Variants in NUTM2G observed in about 807,000 individuals in gnomAD.
NUTM2G encodes family with sequence similarity 22, member G.
Under a neutral mutation model 44.3 loss-of-function variants are expected in NUTM2G, and 29 were observed. The ratio of observed to expected loss-of-function variants is 0.66; its 90% CI spans 0.49 to 0.89. The LOEUF (loss-of-function observed/expected upper bound fraction) is 0.89. Ranked by LOEUF, NUTM2G falls within the 40% of genes least tolerant of loss-of-function variation. NUTM2G has a pLI of 0.00. For missense variants in NUTM2G, 502 were observed against 946.5 expected (o/e 0.53, Z 6.16); for synonymous variants, 205 against 395.9 (o/e 0.52, Z 5.72).
At chr9:96,940,929 A>G (rs1227776456), downstream of NUTM2G, among the ~76,000 whole-genome samples, 1 of 152,098 alleles carries the variant, frequency 6.6e-6, no homozygotes, top group Non-Finnish European at 1.5e-5. Context: ...GGGCTTCCCC[A>G]GCTGAGGGCA....
At position 96,937,906 on chromosome 9, in the gene NUTM2G, C is replaced by T. The variant is rs757924626; in HGVS notation, c.1345C>T (p.Arg449Ter). The T allele has an allele frequency of 3.5e-5, 56 of 1,611,484 alleles. No individual in the cohort carries two copies. The highest frequency in any genetic ancestry group is 4.1e-5 in the Non-Finnish European group (48 of 1,179,722). The change falls in exon 6 of 7, where the codon CGA (arginine) becomes TGA (stop). Residue 449 changes from arginine to a stop codon, truncating the protein, a stop_gained. Coordinates refer to ENST00000372322, the MANE Select transcript of NUTM2G (RefSeq NM_001170741.3). LOFTEE classifies it high-confidence loss of function. ...CCAGGTGGAGGCCGTCATTCACCCC[C>T]GATTCCTGGAAGAATTGCTTTCCCC... ...VTKVEAVIHP[R>*]FLEELLSPDP... is the part of the protein sequence containing the mutation.
At chr9:96,941,100 T>C (rs143163033), downstream of NUTM2G, among the ~76,000 whole-genome samples, 202 of 149,554 alleles carry the variant, frequency 1.4e-3, 1 homozygote, top group Middle Eastern at 3.4e-3. Context: ...TTGAAGGGAA[T>C]GTGGTCCGTA....
In NUTM2G at chr9:96,936,410, C is replaced by T. The variant is rs759045164; in HGVS notation, c.843-15C>T. 1.1e-5 allele frequency: 17 copies of T among 1,571,544 alleles called. No individual in the cohort carries two copies. Among genetic ancestry groups the T allele is most frequent in the Admixed American group, 3.6e-5 (2 of 56,078 alleles). On this transcript the variant is annotated splice_polypyrimidine_tract_variant and intron_variant, in intron 3 of 6. Transcript: ENST00000372322. ...TGGACCCTCTCAGCACAGCCTGGGC[C>T]TCCTTCACCCCCAGGTTCCTGGAGT... is the stretch of plus-strand genomic sequence containing the variant.
Position 96,935,376 on chromosome 9 carries a change from G to A in NUTM2G, c.762G>A (p.Glu254=), listed in dbSNP as rs778537689. 2.5e-6 allele frequency: 4 copies of A among 1,612,078 alleles called. No homozygotes were observed. In the South Asian group the frequency reaches 3.3e-5, roughly 13 times the overall value. ...LARRKPTMTL[E]EGLWRAMREW... Reference sequence around the variant, plus strand: ...GGCGGAAGCCCACCATGACGCTGGAGGAGGGACTGTGGCGGGCCATGCGGG... The same window carrying A: ...GGCGGAAGCCCACCATGACGCTGGAAGAGGGACTGTGGCGGGCCATGCGGG... The change falls in exon 3 of 7, where the codon GAG becomes GAA. Residue 254 remains glutamate (E), a synonymous_variant. Coordinates refer to ENST00000372322, the MANE Select transcript of NUTM2G (RefSeq NM_001170741.3).
intron 3 of NUTM2G, among the ~76,000 whole-genome samples, chr9:96,935,834 T>C (rs1039625032): frequency 3.3e-5 from 5 of 152,004 alleles, no homozygotes; most frequent in African/African-American, 9.7e-5. Context: ...GGAAGTCGGT[T>C]TTCTCCCATC....
chr9:96,932,981 T>TTC (rs552920928), intron 2 of NUTM2G, among the ~76,000 whole-genome samples: 2 of 146,608 alleles, frequency 1.4e-5, no homozygotes, highest in African/African-American at 2.5e-5. Flanking sequence ...TTCTTTTCTT[T>TTC]TTTTTTTTTT....
rs201118948 is a variant in NUTM2G at position 96,937,984 on chromosome 9, G to C, written c.1423G>C (p.Gly475Arg). ...AAGCCAGGAGCTGGAGCAGGAGGAA[G>C]GACTCACCCTTGCCCAGGTAGAGCA... ...ALSQELEQEEGLTLAQLVEKR... is the reference protein window; with the variant it reads ...ALSQELEQEERLTLAQLVEKR... The change falls in exon 6 of 7, where the codon GGA becomes CGA. Residue 475 changes from glycine (G) to arginine (R), a missense_variant. By Grantham distance (125) the Gly-to-Arg change is moderately radical (BLOSUM62 -2). Transcript: ENST00000372322. 1.1e-5 allele frequency: 17 copies of C among 1,612,186 alleles called. No individual in the cohort carries two copies. The highest frequency in any genetic ancestry group is 2.5e-6 in the Non-Finnish European group (3 of 1,179,858).
intron 3 of NUTM2G, among the ~76,000 whole-genome samples, 162 bp downstream of exon 3, chr9:96,935,618 C>G (rs1344955763): frequency 6.6e-6 from 1 of 152,188 alleles, no homozygotes; most frequent in African/African-American, 2.4e-5. Flanking sequence ...CTCCTGCCAC[C>G]TAGAGTGCTC....
chr9:96,937,457 C>T (rs1826472914), intron 5 of NUTM2G, 53 bp downstream of exon 5: 1 of 1,539,222 alleles, frequency 6.5e-7, no homozygotes, highest in African/African-American at 1.4e-5. Context: ...GTGGCACTTC[C>T]AGGTCCTTGG....
intron 5 of NUTM2G, among the ~76,000 whole-genome samples, 193 bp downstream of exon 5, chr9:96,937,597 G>C (rs930740115): frequency 1.3e-5 from 2 of 152,136 alleles, no homozygotes; most frequent in African/African-American, 4.8e-5. Flanking sequence ...GTGTCTTTGT[G>C]TGTCTGTGTG....
rs752245352 is a variant in NUTM2G at position 96,936,512 on chromosome 9, G to T, written c.930G>T (p.Pro310=). 5.8e-6 allele frequency: 9 copies of T among 1,550,660 alleles called. 1 individual carries two copies. In the South Asian group the frequency reaches 1.1e-4, roughly 18 times the overall value. Residue 310 remains proline, a synonymous_variant, in exon 4 of 7, where the codon CCG becomes CCT. Transcript: ENST00000372322. ...CCCAGAGCCTGCCTCCTCCAGCCCC[G>T]CCGAGGCTTGAACCTCGAGGACCCC... is the stretch of plus-strand genomic sequence containing the variant. ...KGPQSLPPPA[P]PRLEPRGPPA...
intron 4 of NUTM2G, among the ~76,000 whole-genome samples, chr9:96,936,773 A>G (rs908723612): frequency 1.3e-5 from 2 of 152,198 alleles, no homozygotes; most frequent in African/African-American, 4.8e-5. Flanking sequence ...GACCGGGCCA[A>G]GTTTCCTACT....
At chr9:96,930,892 T>TG (rs1826222633) in intron 1 of NUTM2G, among the ~76,000 whole-genome samples, 1 of 82,180 alleles carries the variant, frequency 1.2e-5, no homozygotes, top group African/African-American at 7.4e-5. Context: ...TTTTTTTTTT[T>TG]TTTTTTTTTT....
chr9:96,935,481 G>T, intron 3 of NUTM2G, 25 bp downstream of exon 3: 1 of 1,612,024 alleles, frequency 6.2e-7, no homozygotes, highest in South Asian at 1.1e-5. Context: ...CTGGGGGCAG[G>T]GCCCGTGTGG....
intron 2 of NUTM2G, among the ~76,000 whole-genome samples, chr9:96,933,144 AT>A (rs1264880026): frequency 3.4e-5 from 5 of 148,990 alleles, no homozygotes; most frequent in South Asian, 2.1e-4. Flanking sequence ...TGCCCGGCTA[AT>A]TTTTTTGTAT....
intron 2 of NUTM2G, among the ~76,000 whole-genome samples, chr9:96,934,434 C>T (rs1337232473): frequency 6.6e-6 from 1 of 151,882 alleles, no homozygotes; most frequent in Non-Finnish European, 1.5e-5. Flanking sequence ...GGAGCGGAGT[C>T]CCGGTGCACT....
At chr9:96,930,688 G>C (rs1183601709) in intron 1 of NUTM2G, among the ~76,000 whole-genome samples, 1 of 148,216 alleles carries the variant, frequency 6.7e-6, no homozygotes, top group Non-Finnish European at 1.5e-5. Flanking sequence ...TGCTCCCTGG[G>C]AACTGAGCTT....
downstream of NUTM2G, among the ~76,000 whole-genome samples, chr9:96,942,070 C>T (rs1051217986): frequency 7.9e-5 from 12 of 151,864 alleles, no homozygotes; most frequent in Non-Finnish European, 1.8e-4. Context: ...GGGGCGGCCC[C>T]GGGCAGGTTT....
chr9:96,935,991 T>C (rs1362343704), intron 3 of NUTM2G, among the ~76,000 whole-genome samples: 1 of 149,862 alleles, frequency 6.7e-6, no homozygotes, highest in Non-Finnish European at 1.5e-5. Context: ...CCCTGTCCTC[T>C]GGGCTCAGCT....
Sources: gnomAD v4.1 joint callset for allele counts (sites outside exome capture counted in the v4.1 genomes callset) on GRCh38, gnomAD v4.1.1 for gene constraint, MANE v1.5 for transcripts, NCBI Gene and HGNC (gene_info 2026-07-23, HGNC 2026-07-21) for gene names.